Variants in STRAP observed in about 807,000 individuals in gnomAD.
STRAP encodes the protein serine-threonine kinase receptor-associated protein.
A neutral mutation model predicts 47.0 loss-of-function variants in STRAP; 16 were observed. The ratio of observed to expected loss-of-function variants is 0.34; its 90% CI spans 0.23 to 0.52. The LOEUF is 0.52. Ranked by LOEUF, STRAP falls within the 20% of genes least tolerant of loss-of-function variation. The probability of loss-of-function intolerance (pLI) is 0.96; values close to 1 mark genes in which losing one functional copy is unlikely to be tolerated. For missense variants in STRAP, 293 were observed against 420.0 expected (o/e 0.70, Z 2.64); for synonymous variants, 130 against 142.7 (o/e 0.91, Z 0.63).
chr12:15,902,302 A>G (rs566907436), intron 9 of STRAP, among the ~76,000 whole-genome samples: 2 of 152,234 alleles, frequency 1.3e-5, no homozygotes, highest in African/African-American at 4.8e-5. Flanking sequence ...GGGTATTGCA[A>G]TGAGAACAGA....
In STRAP at chr12:15,894,314, C is replaced by A. The variant is rs758260149; in HGVS notation, c.500+171C>A. Among the ~76,000 whole-genome samples the A allele has an allele frequency of 6.6e-6, 1 of 152,146 alleles. No individual in the cohort carries two copies. The highest frequency in any genetic ancestry group is 2.4e-5 in the African/African-American group (1 of 41,430). On this transcript the variant is annotated intron_variant, in intron 5 of 9. Transcript: ENST00000419869. The surrounding 1 kb of genome is among the most constrained non-coding windows in gnomAD (Gnocchi z 4.9). ...TCTCTATGAAAATTACAAAACTTAG[C>A]CAAGCGCGGTGGCACACACCTATAA...
Position 15,894,182 on chromosome 12 carries a change from G to A in STRAP, c.500+39G>A, listed in dbSNP as rs762858759. 37 of 1,528,786 alleles carry A rather than the reference G, an allele frequency of 2.4e-5. No homozygotes were observed. Among genetic ancestry groups the A allele is most frequent in the Non-Finnish European group, 3.2e-5 (35 of 1,106,100 alleles). The allele number at this position is 1,528,786 out of a possible 1,614,324, so 94.7% of individuals were successfully genotyped here. On this transcript the variant is annotated intron_variant, in intron 5 of 9. Coordinates refer to ENST00000419869, the MANE Select transcript of STRAP (RefSeq NM_007178.4). This position sits in a 1 kb window ranked among gnomAD's most constrained non-coding sequence, Gnocchi z 4.9. ...CTTTAATAATTTACAATTTAAGGCCGGGCATGGTGGCTCACGCCTATAATC... is the reference window on the plus strand; with the variant it reads ...CTTTAATAATTTACAATTTAAGGCCAGGCATGGTGGCTCACGCCTATAATC...
In STRAP at chr12:15,882,541, C is replaced by A. The variant is rs1228813989; in HGVS notation, c.-167C>A. 2 of 599,028 alleles carry A rather than the reference C, an allele frequency of 3.3e-6. No individual in the cohort carries two copies. The highest frequency in any genetic ancestry group is 5.7e-5 in the Admixed American group (2 of 34,978). The allele number at this position is 599,028 out of a possible 1,614,324, so 37.1% of individuals were successfully genotyped here. A position where few individuals can be genotyped will look rare whatever the true frequency, so the allele number is the denominator to read the frequency against. ...CGCAGACTCCCTGACCCCTCCCTCA[C>A]CCCTCCCTAACCTCGGTGCCACCGG... On this transcript the variant is annotated 5_prime_UTR_variant, in exon 1 of 10. Transcript: ENST00000419869.
In STRAP at chr12:15,894,280, G is replaced by T; in HGVS notation, c.500+137G>T. ...ACTAGACCAGCCTGGCCGACATGGC[G>T]AAATACTGTCTCTATGAAAATTACA... On this transcript the variant is annotated intron_variant, in intron 5 of 9. Transcript: ENST00000419869. The surrounding 1 kb of genome is among the most constrained non-coding windows in gnomAD (Gnocchi z 4.9). The T allele has an allele frequency of 3.3e-6, 2 of 608,786 alleles. No individual in the cohort carries two copies. Among genetic ancestry groups the T allele is most frequent in the Non-Finnish European group, 5.8e-6 (2 of 346,140 alleles). 37.7% of individuals were successfully genotyped at this position (608,786 alleles called of 1,614,324 possible). A position where few individuals can be genotyped will look rare whatever the true frequency, so the allele number is the denominator to read the frequency against.
chr12:15,899,604 T>C (rs1236906220), intron 7 of STRAP, among the ~76,000 whole-genome samples: 1 of 152,234 alleles, frequency 6.6e-6, no homozygotes, highest in Non-Finnish European at 1.5e-5. Context: ...TTCTATAGAA[T>C]TAATGGGGTT....
At chr12:15,885,660 T>C (rs933436211) in intron 2 of STRAP, among the ~76,000 whole-genome samples, 5 of 152,112 alleles carry the variant, frequency 3.3e-5, no homozygotes, top group African/African-American at 1.2e-4. Context: ...CAGTGTTGTT[T>C]TTATGCTTTC....
At position 15,890,120 on chromosome 12, in the gene STRAP, A is replaced by G; in HGVS notation, c.330+111A>G. ...TTGATTGATATGTTTTGTGTGGAATATTTGTTATTTCTTGGTTCATATTTG... is the reference window on the plus strand; with the variant it reads ...TTGATTGATATGTTTTGTGTGGAATGTTTGTTATTTCTTGGTTCATATTTG... On this transcript the variant is annotated intron_variant, in intron 3 of 9. Transcript: ENST00000419869. The surrounding 1 kb of genome is among the most constrained non-coding windows in gnomAD (Gnocchi z 4.5). The G allele has an allele frequency of 1.0e-6, 1 of 977,870 alleles. No individual in the cohort carries two copies. The highest frequency in any genetic ancestry group is 1.6e-6 in the Non-Finnish European group (1 of 637,156). 60.6% of individuals were successfully genotyped at this position (977,870 alleles called of 1,614,324 possible).
At position 15,895,370 on chromosome 12, in the gene STRAP, A is replaced by T. The variant is rs755139045; in HGVS notation, c.512A>T (p.His171Leu). Residue 171 changes from histidine (H) to leucine (L), a missense_variant, in exon 6 of 10, where the codon CAT becomes CTT. His to Leu is a moderately conservative substitution (Grantham distance 99, BLOSUM62 -3). This residue lies in a region of STRAP where 152 missense variants were observed against 183.0 expected (regional missense o/e 0.83). Transcript: ENST00000419869. ...TCTTTATTTTGCAGACTTTGGGATC[A>T]TGCTACTATGACAGAAGTGAAATCT... is the stretch of plus-strand genomic sequence containing the variant. The part of the protein sequence containing the change: ...ADDKTVRLWD[H>L]ATMTEVKSLN... The T allele has an allele frequency of 6.3e-7, 1 of 1,579,390 alleles. No individual in the cohort carries two copies.
Position 15,900,856 on chromosome 12 carries a change from A to G in STRAP, c.926-91A>G, listed in dbSNP as rs375235219. 3.5e-5 allele frequency: 34 copies of G among 969,140 alleles called. No homozygotes were observed. The East Asian group carries it at 9.3e-4, about 27-fold the overall frequency. 60.0% of individuals were successfully genotyped at this position (969,140 alleles called of 1,614,324 possible). ...TATATTTTGTAGCCATTTTCCTGGA[A>G]TAGTCTTATGTTGCTCTTCTTGCTT... On this transcript the variant is annotated intron_variant, in intron 8 of 9. Transcript: ENST00000419869.
chr12:15,891,317 A>G (rs972638151), intron 4 of STRAP, among the ~76,000 whole-genome samples: 1 of 152,174 alleles, frequency 6.6e-6, no homozygotes, highest in African/African-American at 2.4e-5. Flanking sequence ...TGATGGTGAG[A>G]ATTCTCAGTT....
In STRAP at chr12:15,890,505, A is replaced by G; in HGVS notation, c.331-92A>G. The stretch of plus-strand genomic sequence containing the variant: ...TTGGCATCTCTTTGTGATGTCTGTG[A>G]GCTAGATTTTGATTTTATTTGGTGT... On this transcript the variant is annotated intron_variant, in intron 3 of 9. Transcript: ENST00000419869. This position sits in a 1 kb window ranked among gnomAD's most constrained non-coding sequence, Gnocchi z 4.5. 1.9e-6 allele frequency: 2 copies of G among 1,052,372 alleles called. No individual in the cohort carries two copies. Among genetic ancestry groups the G allele is most frequent in the Non-Finnish European group, 2.9e-6 (2 of 688,768 alleles). The allele number at this position is 1,052,372 out of a possible 1,614,324, so 65.2% of individuals were successfully genotyped here.
At chr12:15,900,869 G>T in intron 8 of STRAP, 78 bp from the exon 9 acceptor site, 1 of 1,141,858 alleles carries the variant, frequency 8.8e-7, no homozygotes, top group Non-Finnish European at 1.2e-6. Context: ...GTCTTATGTT[G>T]CTCTTCTTGC....
intron 8 of STRAP, 115 bp from the exon 9 acceptor site, chr12:15,900,832 A>T: frequency 2.9e-6 from 2 of 694,798 alleles, no homozygotes; most frequent in Non-Finnish European, 4.1e-6. Context: ...TGTTTTTATT[A>T]TATTTTGTAG....
At chr12:15,898,658 A>G (rs1175521168) in intron 7 of STRAP, among the ~76,000 whole-genome samples, 1 of 152,232 alleles carries the variant, frequency 6.6e-6, no homozygotes, top group Non-Finnish European at 1.5e-5. Context: ...TATTTATCTG[A>G]TGGACCAGGT....
Position 15,882,583 on chromosome 12 carries a change from T to A in STRAP, c.-125T>A. On this transcript the variant is annotated 5_prime_UTR_variant, in exon 1 of 10. Transcript: ENST00000419869. Reference sequence around the variant, plus strand: ...TGCCACCGGATTGCCCTTCTTTTCCTGTTGCCCAGCCCAGCCCTAGTGTCA... The same window carrying A: ...TGCCACCGGATTGCCCTTCTTTTCCAGTTGCCCAGCCCAGCCCTAGTGTCA... The A allele has an allele frequency of 1.4e-6, 1 of 713,044 alleles. No individual in the cohort carries two copies. The highest frequency in any genetic ancestry group is 2.3e-6 in the Non-Finnish European group (1 of 440,004). 44.2% of individuals were successfully genotyped at this position (713,044 alleles called of 1,614,324 possible). A position where few individuals can be genotyped will look rare whatever the true frequency, so the allele number is the denominator to read the frequency against.
intron 2 of STRAP, among the ~76,000 whole-genome samples, chr12:15,885,896 T>C (rs1185198232): frequency 6.6e-6 from 1 of 152,212 alleles, no homozygotes; most frequent in Non-Finnish European, 1.5e-5. Context: ...ATGAAAGTGT[T>C]ACATATGTAA....
chr12:15,896,968 A>T lies in STRAP; in HGVS notation c.639-914A>T, dbSNP rs1403713811. Among the ~76,000 whole-genome samples the T allele has an allele frequency of 6.6e-6, 1 of 152,238 alleles. No homozygotes were observed. Among genetic ancestry groups the T allele is most frequent in the Non-Finnish European group, 1.5e-5 (1 of 68,040 alleles). ...GCAATGTCAAGGAGTTTATACACATACAGTAAACTGATAGTAGTAGAATAC... is the reference window on the plus strand; with the variant it reads ...GCAATGTCAAGGAGTTTATACACATTCAGTAAACTGATAGTAGTAGAATAC... On this transcript the variant is annotated intron_variant, in intron 6 of 9. Coordinates refer to ENST00000419869, the MANE Select transcript of STRAP (RefSeq NM_007178.4). This position sits in a 1 kb window ranked among gnomAD's most constrained non-coding sequence, Gnocchi z 4.1.
At chr12:15,884,745 C>CTGAT (rs1214190128) in intron 2 of STRAP, among the ~76,000 whole-genome samples, 1 of 151,916 alleles carries the variant, frequency 6.6e-6, no homozygotes, top group Non-Finnish European at 1.5e-5. Context: ...ACTGGTCATA[C>CTGAT]TGATTATTGG....
rs1948119374 is a variant in STRAP, at chr12:15,903,236, C to A, written c.*258C>A. The A allele has an allele frequency of 3.2e-6, 1 of 308,300 alleles. No individual in the cohort carries two copies. 19.1% of individuals were successfully genotyped at this position (308,300 alleles called of 1,614,324 possible). A position where few individuals can be genotyped will look rare whatever the true frequency, so the allele number is the denominator to read the frequency against. On this transcript the variant is annotated 3_prime_UTR_variant, in exon 10 of 10. Transcript: ENST00000419869. ...ATCTTTTTAATGAATATATACAAGC[C>A]AACATCCAATTTCTATTATTACAAT... is the stretch of plus-strand genomic sequence containing the variant.
Sources: gnomAD v4.1 joint callset for allele counts (sites outside exome capture counted in the v4.1 genomes callset) on GRCh38, gnomAD v4.1.1 for gene constraint, gnomAD v4.1.1 regional missense constraint, Gnocchi (gnomAD v3.1) non-coding constraint, MANE v1.5 for transcripts, NCBI Gene and HGNC (gene_info 2026-07-23, HGNC 2026-07-21) for gene names.